NHERF2: variants seen among roughly 807,000 people sequenced by gnomAD.
NHERF2 encodes the protein NHERF family PDZ scaffold protein 2, also known as Na(+)/H(+) exchange regulatory cofactor NHE-RF2.
chr16:2,030,617 C>A, the NHERF2 span, among the ~76,000 whole-genome samples: 2 of 147,078 alleles, frequency 1.4e-5, no homozygotes, highest in African/African-American at 5.3e-5. Context: ...TTCTCTCCTA[C>A]CTTTTTTTTT....
At chr16:2,029,487 G>A in the NHERF2 span, 1 of 1,212,168 alleles carries the variant, frequency 8.2e-7, no homozygotes, top group Non-Finnish European at 1.2e-6. Context: ...CCAGCCGCCT[G>A]TCCGCACGCC....
At chr16:2,035,729 G>A in the NHERF2 span, 10 of 970,806 alleles carry the variant, frequency 1.0e-5, no homozygotes, top group Non-Finnish European at 8.6e-6. Flanking sequence ...GTAGCGGGGG[G>A]TCCTTCCGGG....
At chr16:2,033,919 C>T in the NHERF2 span, among the ~76,000 whole-genome samples, 1 of 152,212 alleles carries the variant, frequency 6.6e-6, no homozygotes, top group Non-Finnish European at 1.5e-5. Flanking sequence ...CACTGGGACC[C>T]TGCTGACAAT....
At chr16:2,033,687 G>T in the NHERF2 span, among the ~76,000 whole-genome samples, 1 of 152,154 alleles carries the variant, frequency 6.6e-6, no homozygotes, top group Non-Finnish European at 1.5e-5. Context: ...GCCGCCGGCA[G>T]GGAGGGAGCC....
chr16:2,037,020 G>A, the NHERF2 span: 1 of 1,549,074 alleles, frequency 6.5e-7, no homozygotes, highest in Non-Finnish European at 8.7e-7. Flanking sequence ...GGGTGCCCAT[G>A]AGACACAGGG....
chr16:2,033,251 C>T, the NHERF2 span: 96 of 1,522,270 alleles, frequency 6.3e-5, 1 homozygote, highest in South Asian at 1.0e-3. Flanking sequence ...GAGCCAGGGC[C>T]GCAGAGGGAG....
chr16:2,032,312 G>A, the NHERF2 span, among the ~76,000 whole-genome samples: 5 of 152,186 alleles, frequency 3.3e-5, no homozygotes, highest in African/African-American at 7.2e-5. The surrounding 1 kb of genome is among the most constrained non-coding windows in gnomAD (Gnocchi z 4.0). Context: ...GAGCCCCTGC[G>A]CCTGGCTCAG....
the NHERF2 span, chr16:2,037,088 C>T: frequency 1.2e-4 from 176 of 1,454,590 alleles, no homozygotes; most frequent in Middle Eastern, 2.6e-3. Context: ...GATCCGTCCT[C>T]GAGGTGTGCT....
At chr16:2,036,406 A>G in the NHERF2 span, 2 of 1,609,930 alleles carry the variant, frequency 1.2e-6, no homozygotes, top group Admixed American at 3.4e-5. Flanking sequence ...TTCAACCTGC[A>G]TAGTGACAAG....
At chr16:2,035,575 G>T in the NHERF2 span, 3 of 987,392 alleles carry the variant, frequency 3.0e-6, no homozygotes, top group African/African-American at 3.5e-5. Flanking sequence ...AACTGAGCAC[G>T]GGCAGCCGCT....
the NHERF2 span, among the ~76,000 whole-genome samples, chr16:2,030,936 C>CT: frequency 6.6e-6 from 1 of 151,468 alleles, no homozygotes; most frequent in Non-Finnish European, 1.5e-5. Context: ...GTGAGACTGT[C>CT]TCAAAAAAAA....
the NHERF2 span, chr16:2,038,427 C>T: frequency 3.9e-6 from 1 of 255,558 alleles, no homozygotes; most frequent in Non-Finnish European, 7.7e-6. Context: ...CCCCCTTCCC[C>T]TCCCCCTTGG....
At chr16:2,037,495 TTG>T in the NHERF2 span, 6 of 1,538,056 alleles carry the variant, frequency 3.9e-6, no homozygotes, top group African/African-American at 2.7e-5. Flanking sequence ...TGTGCAGGTG[TTG>T]TGTGTGTCTG....
the NHERF2 span, chr16:2,038,518 C>T: frequency 0.018 from 6,654 of 367,506 alleles, 99 homozygotes; most frequent in Non-Finnish European, 0.026. Flanking sequence ...CAGCAGCGGC[C>T]GTCCTGAGTG....
At chr16:2,037,390 CCCG>C in the NHERF2 span, 32 of 776,912 alleles carry the variant, frequency 4.1e-5, no homozygotes, top group African/African-American at 5.5e-4. Flanking sequence ...CGGTGCCTGC[CCCG>C]CCGCATCTGG....
the NHERF2 span, among the ~76,000 whole-genome samples, chr16:2,030,524 C>T: frequency 4.6e-5 from 7 of 152,224 alleles, no homozygotes; most frequent in South Asian, 1.2e-3. Flanking sequence ...GAGGGGCGGC[C>T]TGGCAGGCCT....
At chr16:2,037,684 C>G in the NHERF2 span, 2 of 1,563,636 alleles carry the variant, frequency 1.3e-6, no homozygotes, top group Admixed American at 3.8e-5. Flanking sequence ...TCAGCCCGGG[C>G]AGTGGGGTCT....
At chr16:2,031,540 C>T in the NHERF2 span, among the ~76,000 whole-genome samples, 1 of 152,186 alleles carries the variant, frequency 6.6e-6, no homozygotes, top group Non-Finnish European at 1.5e-5. Context: ...GACCTTCCCC[C>T]TCTGCTATTT....
the NHERF2 span, among the ~76,000 whole-genome samples, chr16:2,028,623 TCTCA>T: frequency 1.6e-3 from 243 of 152,250 alleles, 1 homozygote; most frequent in Middle Eastern, 0.01. Flanking sequence ...GTTCCTCTTG[TCTCA>T]CTCTGGGTCA....
Sources: allele counts gnomAD v4.1 joint callset (sites outside exome capture counted in the v4.1 genomes callset), GRCh38; gene constraint gnomAD v4.1.1; non-coding constraint Gnocchi (gnomAD v3.1); transcripts MANE v1.5; gene names NCBI Gene and HGNC (gene_info 2026-07-23, HGNC 2026-07-21).